Variants in EGLN1 observed in about 807,000 individuals in gnomAD.
EGLN1 encodes the protein egl nine homolog 1.
In EGLN1, 17 loss-of-function variants were observed where a neutral mutation model predicts 38.3. That is an observed-to-expected ratio of 0.44 (90% CI 0.30 to 0.67). The LOEUF is 0.67. Ranked by LOEUF, EGLN1 falls within the 30% of genes least tolerant of loss-of-function variation. EGLN1 has a pLI of 0.08. For synonymous variants in EGLN1, 283 were observed against 257.5 expected (o/e 1.10, Z -0.95); for missense variants, 477 against 603.3 (o/e 0.79, Z 2.19).
intron 1 of EGLN1, among the ~76,000 whole-genome samples, chr1:231,419,020 T>C (rs1357229933): frequency 2.0e-5 from 3 of 152,220 alleles, no homozygotes; most frequent in Non-Finnish European, 2.9e-5. Flanking sequence ...ATAAATTACA[T>C]GTTCAAACAC....
chr1:231,384,421 C>T (rs1478572502), intron 1 of EGLN1, among the ~76,000 whole-genome samples: 1 of 148,086 alleles, frequency 6.8e-6, no homozygotes, highest in Non-Finnish European at 1.5e-5. Context: ...AAAAAACACG[C>T]AATAGGGAAT....
intron 1 of EGLN1, among the ~76,000 whole-genome samples, chr1:231,410,083 A>G (rs553623100): frequency 6.6e-6 from 1 of 152,326 alleles, no homozygotes; most frequent in Middle Eastern, 3.4e-3. Context: ...CTGCCAAGGA[A>G]GAACTGACGT....
chr1:231,395,033 T>C (rs193149748), intron 1 of EGLN1, among the ~76,000 whole-genome samples: 130 of 152,252 alleles, frequency 8.5e-4, no homozygotes, highest in African/African-American at 2.8e-3. Flanking sequence ...GGGAATAACG[T>C]TCTTCATGTC....
chr1:231,386,929 T>G (rs185593159), intron 1 of EGLN1, among the ~76,000 whole-genome samples: 48 of 152,282 alleles, frequency 3.2e-4, no homozygotes, highest in Non-Finnish European at 4.3e-4. Context: ...GCTTGGATCA[T>G]AGCTCACTAC....
chr1:231,420,963 G>A (rs1424812573), intron 1 of EGLN1, 35 bp downstream of exon 1: 2 of 1,613,874 alleles, frequency 1.2e-6, no homozygotes, highest in Non-Finnish European at 1.7e-6. Flanking sequence ...CGCCGAGAAG[G>A]GCCTGTCCAG....
chr1:231,366,335 C>A lies in EGLN1; in HGVS notation c.*76G>T. On this transcript the variant is annotated 3_prime_UTR_variant, in exon 5 of 5. Coordinates refer to ENST00000366641, the MANE Select transcript of EGLN1 (RefSeq NM_022051.3). ...ACTGGTTGTCTATTTTTCTTTATCC[C>A]ATTTATTCGTATTCACAAGTTAACA... 1 of 1,502,728 alleles carries A rather than the reference C, an allele frequency of 6.7e-7. No homozygotes were observed. Among genetic ancestry groups the A allele is most frequent in the Non-Finnish European group, 9.2e-7 (1 of 1,082,992 alleles). The allele number at this position is 1,502,728 out of a possible 1,614,324, so 93.1% of individuals were successfully genotyped here.
chr1:231,415,031 G>C (rs1031974920), intron 1 of EGLN1, among the ~76,000 whole-genome samples: 4 of 152,124 alleles, frequency 2.6e-5, no homozygotes, highest in African/African-American at 9.7e-5. Flanking sequence ...AGCACTTTGG[G>C]AGACCAAGGC....
chr1:231,383,773 C>A (rs994467459), intron 1 of EGLN1, among the ~76,000 whole-genome samples: 4 of 152,030 alleles, frequency 2.6e-5, no homozygotes, highest in Non-Finnish European at 4.4e-5. Flanking sequence ...CAGTAAGAAT[C>A]GCTTGGGTTA....
chr1:231,370,473 T>G, intron 3 of EGLN1, 89 bp downstream of exon 3: 1 of 1,388,366 alleles, frequency 7.2e-7, no homozygotes, highest in Non-Finnish European at 1.0e-6. Flanking sequence ...GGCAGGAAAA[T>G]ACTCATTAGA....
At chr1:231,397,644 CATG>C (rs1247732399) in intron 1 of EGLN1, among the ~76,000 whole-genome samples, 1 of 145,142 alleles carries the variant, frequency 6.9e-6, no homozygotes, top group Non-Finnish European at 1.5e-5. Flanking sequence ...TGCATCAAAA[CATG>C]AGGATTGTTA....
intron 1 of EGLN1, among the ~76,000 whole-genome samples, chr1:231,396,035 AAAAG>A: frequency 6.9e-6 from 1 of 145,658 alleles, no homozygotes. Context: ...CACTCCTTTA[AAAAG>A]AAAAAAAAAA....
intron 1 of EGLN1, among the ~76,000 whole-genome samples, chr1:231,394,447 C>T (rs1183382649): frequency 2.7e-5 from 4 of 149,746 alleles, no homozygotes; most frequent in Admixed American, 6.6e-5. Context: ...GGCGCAATCT[C>T]GGCTCACTGC....
chr1:231,372,218 A>T (rs1392785378), intron 2 of EGLN1, among the ~76,000 whole-genome samples: 1 of 152,208 alleles, frequency 6.6e-6, no homozygotes, highest in Non-Finnish European at 1.5e-5. Context: ...AACTATCTGT[A>T]ACTGTCAATC....
intron 1 of EGLN1, among the ~76,000 whole-genome samples, chr1:231,388,955 T>C (rs1688301670): frequency 1.3e-5 from 2 of 152,196 alleles, no homozygotes; most frequent in South Asian, 4.1e-4. Flanking sequence ...GCGCCCAGCC[T>C]AGCTAGTCTA....
intron 1 of EGLN1, among the ~76,000 whole-genome samples, chr1:231,403,889 T>C (rs1166220732): frequency 6.6e-6 from 1 of 151,986 alleles, no homozygotes; most frequent in Admixed American, 6.6e-5. Context: ...CAAAGTATTG[T>C]ATAATTCAAA....
intron 1 of EGLN1, among the ~76,000 whole-genome samples, chr1:231,402,352 T>C (rs968811960): frequency 2.0e-5 from 3 of 152,136 alleles, no homozygotes; most frequent in African/African-American, 7.2e-5. Context: ...ATCTTTTTTA[T>C]GTCCTAAAAA....
At chr1:231,381,871 GC>G (rs1265564685) in intron 1 of EGLN1, among the ~76,000 whole-genome samples, 3 of 152,150 alleles carry the variant, frequency 2.0e-5, no homozygotes, top group African/African-American at 7.2e-5. Flanking sequence ...CACTCCCACT[GC>G]AAACTTCATG....
chr1:231,384,504 G>A (rs1173659286), intron 1 of EGLN1, among the ~76,000 whole-genome samples: 1 of 152,098 alleles, frequency 6.6e-6, no homozygotes, highest in Non-Finnish European at 1.5e-5. Flanking sequence ...CATTTAAGAA[G>A]AAATGAATGT....
intron 1 of EGLN1, among the ~76,000 whole-genome samples, chr1:231,380,663 A>G (rs1295691473): frequency 2.0e-5 from 3 of 152,182 alleles, no homozygotes; most frequent in Admixed American, 1.3e-4. Context: ...GTTCTCCAGA[A>G]TTATTGCATG....
Sources: allele counts gnomAD v4.1 joint callset (sites outside exome capture counted in the v4.1 genomes callset), GRCh38; gene constraint gnomAD v4.1.1; transcripts MANE v1.5; gene names NCBI Gene and HGNC (gene_info 2026-07-23, HGNC 2026-07-21).